Variants in SIPA1L1 observed in about 807,000 individuals in gnomAD.
SIPA1L1 encodes signal-induced proliferation-associated 1-like protein 1.
Under a neutral mutation model 162.7 loss-of-function variants are expected in SIPA1L1, and 26 were observed. The ratio of observed to expected loss-of-function variants is 0.16; its 90% CI spans 0.12 to 0.22. The LOEUF (loss-of-function observed/expected upper bound fraction) is 0.22. Among genes scored for constraint, SIPA1L1 ranks in the 10% least tolerant of loss-of-function variants. SIPA1L1 has a pLI of 1.00. For synonymous variants in SIPA1L1, 829 were observed against 837.4 expected (o/e 0.99, Z 0.17); for missense variants, 1,874 against 2,241.0 (o/e 0.84, Z 3.31).
chr14:71,679,837 G>C (rs1272283754), intron 12 of SIPA1L1, among the ~76,000 whole-genome samples: 1 of 152,130 alleles, frequency 6.6e-6, no homozygotes, highest in Non-Finnish European at 1.5e-5. Flanking sequence ...AGACAAAGAA[G>C]GCCATTACAT....
intron 5 of SIPA1L1, among the ~76,000 whole-genome samples, chr14:71,592,160 G>T (rs907010160): frequency 6.6e-6 from 1 of 152,138 alleles, no homozygotes; most frequent in Non-Finnish European, 1.5e-5. Context: ...GGTTAATCCA[G>T]GAAGTTGTTC....
At chr14:71,356,166 T>C (rs1165291477) in intron 2 of SIPA1L1, among the ~76,000 whole-genome samples, 1 of 152,168 alleles carries the variant, frequency 6.6e-6, no homozygotes, top group Non-Finnish European at 1.5e-5. Context: ...GTGGTATGTC[T>C]GGTTGGTGGA....
intron 2 of SIPA1L1, among the ~76,000 whole-genome samples, chr14:71,476,652 T>G (rs927751409): frequency 2.9e-5 from 2 of 69,994 alleles, no homozygotes; most frequent in African/African-American, 6.9e-5. Flanking sequence ...TTGTTCGTTT[T>G]ATTTATTTAT....
chr14:71,325,211 C>T (rs1276952030), intron 2 of SIPA1L1, among the ~76,000 whole-genome samples: 1 of 152,170 alleles, frequency 6.6e-6, no homozygotes, highest in Non-Finnish European at 1.5e-5. Context: ...TATGGGAAAT[C>T]AATTGGCCTC....
intron 6 of SIPA1L1, among the ~76,000 whole-genome samples, chr14:71,621,573 T>G (rs2039454015): frequency 1.3e-5 from 2 of 152,364 alleles, no homozygotes; most frequent in Admixed American, 6.5e-5. Flanking sequence ...CTAAAATTTC[T>G]ATTCCCCTCC....
At chr14:71,567,710 CT>C (rs2031005461) in intron 4 of SIPA1L1, among the ~76,000 whole-genome samples, 1 of 148,228 alleles carries the variant, frequency 6.7e-6, no homozygotes, top group Non-Finnish European at 1.5e-5. Context: ...CATTTGTAAA[CT>C]GCAGTAGTGC....
chr14:71,408,125 AT>A (rs2042157606), intron 2 of SIPA1L1, among the ~76,000 whole-genome samples: 1 of 152,162 alleles, frequency 6.6e-6, no homozygotes, highest in African/African-American at 2.4e-5. Context: ...GTTATTTCTG[AT>A]GTTTTGAGAA....
At position 71,686,554 on chromosome 14, in the gene SIPA1L1, C is replaced by CT. The variant is rs1172463127; in HGVS notation, c.3374+931dup. Among the ~76,000 whole-genome samples the CT allele has an allele frequency of 2.6e-5, 4 of 151,598 alleles. No homozygotes were observed. In the South Asian group the frequency reaches 6.3e-4, roughly 24 times the overall value. ...AACTTCTTTTTTTTCTTTCTTTTTT[C>CT]TTTTTTTTAGACAGAGTCTCACTCT... On this transcript the variant is annotated intron_variant, in intron 13 of 23. Transcript: ENST00000381232.
Position 71,535,600 on chromosome 14 carries a change from GT to G in SIPA1L1, c.-303+6242del, listed in dbSNP as rs113402233. Reference sequence around the variant, plus strand: ...AACTGAATGTCAGAATCCCTCCTAGGTTTTTTTTTTTTCCTTTTTCTTTTCT... The same window carrying G: ...AACTGAATGTCAGAATCCCTCCTAGGTTTTTTTTTTTCCTTTTTCTTTTCT... On this transcript the variant is annotated intron_variant, in intron 4 of 23. Transcript: ENST00000381232. Among the ~76,000 whole-genome samples, 247 of 145,746 alleles carry G rather than the reference GT, an allele frequency of 1.7e-3. 1 individual carries two copies. The highest frequency in any genetic ancestry group is 2.5e-3 in the Non-Finnish European group (166 of 65,736).
chr14:71,503,969 A>G (rs1567116939), intron 2 of SIPA1L1: 1 of 151,770 alleles, frequency 6.6e-6, no homozygotes, highest in Non-Finnish European at 1.5e-5. Context: ...AGGTGTGGCT[A>G]CTTTTCTGTA....
chr14:71,661,128 T>G (rs1240442247), intron 9 of SIPA1L1, among the ~76,000 whole-genome samples, 182 bp from the exon 10 acceptor site: 1 of 152,238 alleles, frequency 6.6e-6, no homozygotes, highest in African/African-American at 2.4e-5. Context: ...GAATGTTCGT[T>G]TCTATGTTCT....
intron 2 of SIPA1L1, among the ~76,000 whole-genome samples, chr14:71,476,431 G>C (rs532845733): frequency 6.0e-4 from 92 of 152,186 alleles, no homozygotes; most frequent in African/African-American, 2.2e-3. Flanking sequence ...GAAAGAAATG[G>C]TTTTGTGGTA....
chr14:71,544,228 T>C (rs909500210), intron 4 of SIPA1L1, among the ~76,000 whole-genome samples: 2 of 150,460 alleles, frequency 1.3e-5, no homozygotes, highest in African/African-American at 2.4e-5. Flanking sequence ...TATATACATA[T>C]ATCATGTATG....
intron 2 of SIPA1L1, among the ~76,000 whole-genome samples, chr14:71,373,852 G>A (rs185736475): frequency 1.7e-3 from 260 of 152,154 alleles, no homozygotes; most frequent in Non-Finnish European, 2.9e-3. Context: ...GATTGCTTGA[G>A]GCCAGGAGTT....
chr14:71,488,456 T>C (rs1205160743), intron 2 of SIPA1L1, among the ~76,000 whole-genome samples: 2 of 152,214 alleles, frequency 1.3e-5, no homozygotes, highest in Non-Finnish European at 2.9e-5. Flanking sequence ...TACAGTATGC[T>C]AGTGCCAACC....
intron 4 of SIPA1L1, among the ~76,000 whole-genome samples, chr14:71,541,475 C>T (rs1004434136): frequency 1.3e-5 from 2 of 152,140 alleles, no homozygotes; most frequent in Admixed American, 1.3e-4. Context: ...AAAAGTTAAT[C>T]TCAGCCAGAA....
At chr14:71,412,259 C>A (rs887024097) in intron 2 of SIPA1L1, among the ~76,000 whole-genome samples, 1 of 152,188 alleles carries the variant, frequency 6.6e-6, no homozygotes, top group Non-Finnish European at 1.5e-5. Context: ...TTGAATGCAG[C>A]CCAACACAAA....
At chr14:71,502,255 A>AAATATATATATAT (rs67020418) in intron 2 of SIPA1L1, among the ~76,000 whole-genome samples, 19 of 97,546 alleles carry the variant, frequency 1.9e-4, no homozygotes, top group Non-Finnish European at 3.3e-4. Context: ...AAAAAAAAAA[A>AAATATATATATAT]ATATATATAT....
chr14:71,735,936 G>A (rs2085249901), intron 22 of SIPA1L1, among the ~76,000 whole-genome samples: 1 of 152,246 alleles, frequency 6.6e-6, no homozygotes, highest in Non-Finnish European at 1.5e-5. Context: ...TTCTATTTAT[G>A]CAGAGACCGA....
Sources: allele counts gnomAD v4.1 joint callset (sites outside exome capture counted in the v4.1 genomes callset), GRCh38; gene constraint gnomAD v4.1.1; transcripts MANE v1.5; gene names NCBI Gene and HGNC (gene_info 2026-07-23, HGNC 2026-07-21).